CDKL5: variants seen among roughly 807,000 people sequenced by gnomAD.
CDKL5 encodes cyclin dependent kinase like 5.
Under a neutral mutation model 61.7 loss-of-function variants are expected in CDKL5, and 8 were observed. The observed-to-expected ratio is 0.13, with a 90% CI of 0.08 to 0.23. CDKL5 has a LOEUF of 0.23. Ranked by LOEUF, CDKL5 falls within the 10% of genes least tolerant of loss-of-function variation. The pLI is 1.00. For missense variants in CDKL5, 440 were observed against 734.5 expected (o/e 0.60, Z 4.63); for synonymous variants, 275 against 272.3 (o/e 1.01, Z -0.10).
chrX:18,590,754 A>G (rs998489921), intron 9 of CDKL5, among the ~76,000 whole-genome samples: 1 of 112,062 alleles, frequency 8.9e-6, no homozygotes, highest in Admixed American at 9.5e-5. Context: ...AACATTTGTC[A>G]TACTAGGTGT....
At chrX:18,551,581 A>ATT (rs1167733435) in intron 3 of CDKL5, among the ~76,000 whole-genome samples, 1 of 98,925 alleles carries the variant, frequency 1.0e-5, no homozygotes, top group Non-Finnish European at 2.0e-5. Context: ...TATTATTATT[A>ATT]TTATTATTAT....
At chrX:18,611,169 G>A (rs1466190748) in intron 14 of CDKL5, among the ~76,000 whole-genome samples, 2 of 111,437 alleles carry the variant, frequency 1.8e-5, no homozygotes, top group African/African-American at 3.3e-5. Flanking sequence ...AGTGGCTCAC[G>A]CCTGTAATCC....
At chrX:18,472,750 A>G (rs983534346) in intron 1 of CDKL5, among the ~76,000 whole-genome samples, 2 of 110,367 alleles carry the variant, frequency 1.8e-5, no homozygotes, top group Non-Finnish European at 3.8e-5. Context: ...CTGCAGTGCA[A>G]GTATAACATA....
At chrX:18,528,464 C>G (rs1337603582) in intron 3 of CDKL5, among the ~76,000 whole-genome samples, 2 of 109,724 alleles carry the variant, frequency 1.8e-5, no homozygotes, top group Non-Finnish European at 3.8e-5. Flanking sequence ...CAATGATTTT[C>G]CTTGTTCTGA....
rs182032704 is a variant in CDKL5 at position 18,430,744 on chromosome X, G to A, written c.-163+5049G>A. ...ACAGGCATGAGCCACTGCGCCCACC[G>A]CTTGTTGTGTGCTAATACAGAGGTT... On this transcript the variant is annotated intron_variant, in intron 1 of 17. Coordinates refer to ENST00000623535, the MANE Select transcript of CDKL5 (RefSeq NM_001323289.2). Among the ~76,000 whole-genome samples the A allele has an allele frequency of 4.2e-3, 472 of 111,392 alleles. 4 individuals carry two copies. Among genetic ancestry groups the A allele is most frequent in the African/African-American group, 0.014 (443 of 30,737 alleles).
chrX:18,554,603 A>G (rs1305718711), intron 3 of CDKL5, among the ~76,000 whole-genome samples: 1 of 108,792 alleles, frequency 9.2e-6, no homozygotes, highest in African/African-American at 3.3e-5. Flanking sequence ...TTTAGTAGAG[A>G]TGAGGTTTTG....
At position 18,507,446 on chromosome X, in the gene CDKL5, CTT is replaced by C. The variant is rs200439467; in HGVS notation, c.64+304_64+305del. ...TGTTACAACAGTCTTTGCCTTCATT[CTT>C]TTTTTTTTTTTTTTTTTAGCAATCA... On this transcript the variant is annotated intron_variant, in intron 2 of 17. Coordinates refer to ENST00000623535, the MANE Select transcript of CDKL5 (RefSeq NM_001323289.2). Among the ~76,000 whole-genome samples the C allele has an allele frequency of 4.9e-3, 358 of 72,331 alleles. 2 individuals carry two copies. In the Middle Eastern group the frequency reaches 0.066, roughly 13 times the overall value. 62.8% of individuals were successfully genotyped at this position (72,331 alleles called of 115,157 possible).
chrX:18,531,755 G>A (rs1175839502), intron 3 of CDKL5, among the ~76,000 whole-genome samples: 2 of 105,880 alleles, frequency 1.9e-5, no homozygotes, highest in South Asian at 4.2e-4. Flanking sequence ...GCCGGACTGC[G>A]GACTGCAGTG....
At position 18,604,272 on chromosome X, in the gene CDKL5, A is replaced by G; in HGVS notation, c.1348A>G (p.Ser450Gly). 8.3e-7 allele frequency: 1 copy of G among 1,211,993 alleles called. No homozygotes were observed. Among genetic ancestry groups the G allele is most frequent in the Non-Finnish European group, 1.1e-6 (1 of 895,571 alleles). ...SQQNRHSFME[S>G]SQSKAGTLQP... ...GCAGAACCGCCACTCATTCATGGAA[A>G]GCTCTCAAAGCAAAGCTGGGACACT... The change falls in exon 12 of 18, where the codon AGC becomes GGC. Residue 450 changes from serine (S) to glycine (G), a missense_variant. Around this residue, in one of 2 missense-constraint regions of CDKL5, gnomAD observed 363 missense variants for 516.3 expected, o/e 0.70. Transcript: ENST00000623535.
At chrX:18,587,620 C>A (rs1044376024) in intron 8 of CDKL5, 1 of 213,286 alleles carries the variant, frequency 4.7e-6, no homozygotes, top group Non-Finnish European at 8.5e-6. Flanking sequence ...TATTTGGAAG[C>A]ATTTCATTCC....
chrX:18,493,976 G>A (rs1395881417), intron 1 of CDKL5, among the ~76,000 whole-genome samples: 2 of 111,167 alleles, frequency 1.8e-5, no homozygotes, highest in Non-Finnish European at 3.8e-5. Flanking sequence ...GTGCAGTGGC[G>A]TGATCATGGC....
exon 21 of CDKL5, chrX:18,650,557 G>A: frequency 3.3e-6 from 4 of 1,212,254 alleles, no homozygotes; most frequent in Non-Finnish European, 4.5e-6. Flanking sequence ...CAGGTCCGAG[G>A]CACTGATGCT....
intron 2 of CDKL5, among the ~76,000 whole-genome samples, chrX:18,508,562 G>A (rs1043840970): frequency 9.0e-6 from 1 of 111,208 alleles, no homozygotes; most frequent in African/African-American, 3.3e-5. Flanking sequence ...CACATACGGT[G>A]TAACAAGGTT....
chrX:18,460,185 C>T (rs1042390568), intron 1 of CDKL5, among the ~76,000 whole-genome samples: 3 of 108,834 alleles, frequency 2.8e-5, no homozygotes, highest in African/African-American at 6.6e-5. Flanking sequence ...CGTGAGCCAC[C>T]GCACTCGGCC....
At chrX:18,586,157 T>G (rs1313214449) in intron 8 of CDKL5, among the ~76,000 whole-genome samples, 2 of 112,000 alleles carry the variant, frequency 1.8e-5, no homozygotes, top group African/African-American at 3.2e-5. Context: ...TATTATCTCT[T>G]CCATTGTGTA....
chrX:18,645,637 C>T (rs1297634483), intron 19 of CDKL5, among the ~76,000 whole-genome samples: 1 of 111,272 alleles, frequency 9.0e-6, no homozygotes, highest in African/African-American at 3.3e-5. Context: ...CCGTGTCCCC[C>T]TCTTTCTTCC....
intron 1 of CDKL5, among the ~76,000 whole-genome samples, chrX:18,465,884 A>G (rs1465887789): frequency 1.8e-5 from 2 of 111,508 alleles, no homozygotes; most frequent in African/African-American, 6.5e-5. Flanking sequence ...TACATAGAAG[A>G]TTTTCCACTT....
chrX:18,460,114 T>A (rs1395243136), intron 1 of CDKL5, among the ~76,000 whole-genome samples: 2 of 111,002 alleles, frequency 1.8e-5, no homozygotes, highest in East Asian at 5.7e-4. Flanking sequence ...TTGGCCAGGA[T>A]GGTCTCGATC....
At chrX:18,536,634 C>T (rs771578543) in intron 3 of CDKL5, among the ~76,000 whole-genome samples, 2 of 107,767 alleles carry the variant, frequency 1.9e-5, no homozygotes, top group South Asian at 4.2e-4. Flanking sequence ...TTGGTAGAGA[C>T]GGGGTTTCAC....
Sources: gnomAD v4.1 joint callset for allele counts (sites outside exome capture counted in the v4.1 genomes callset) on GRCh38, gnomAD v4.1.1 for gene constraint, gnomAD v4.1.1 regional missense constraint, MANE v1.5 for transcripts, NCBI Gene and HGNC (gene_info 2026-07-23, HGNC 2026-07-21) for gene names.